The following LPCAT1 variants were observed in gnomAD, a reference collection of about 807,000 sequenced individuals.
LPCAT1 encodes 1-acylglycerol-3-phosphate O-acyltransferase.
In LPCAT1, 23 loss-of-function variants were observed where a neutral mutation model predicts 60.9. The ratio of observed to expected loss-of-function variants is 0.38; its 90% CI spans 0.27 to 0.53. The LOEUF (loss-of-function observed/expected upper bound fraction) is 0.53. Among genes scored for constraint, LPCAT1 ranks in the 20% least tolerant of loss-of-function variants. The pLI is 0.82. For missense variants in LPCAT1, 622 were observed against 723.6 expected, an observed-to-expected ratio of 0.86 and a Z score of 1.61; for synonymous variants, 340 against 301.1, an observed-to-expected ratio of 1.13 and a Z score of -1.34.
At chr5:1,484,972 G>C (rs963224784) in intron 5 of LPCAT1, among the ~76,000 whole-genome samples, 9 of 152,190 alleles carry the variant, frequency 5.9e-5, no homozygotes, top group Admixed American at 6.5e-5. Flanking sequence ...ACAGACCCAG[G>C]CTCAAGCCCC....
chr5:1,499,321 G>A (rs1310751576), intron 2 of LPCAT1, among the ~76,000 whole-genome samples: 3 of 152,184 alleles, frequency 2.0e-5, no homozygotes, highest in African/African-American at 7.2e-5. Flanking sequence ...GACATGGGGA[G>A]TAAAGAGAAA....
chr5:1,467,032 C>A, intron 12 of LPCAT1, 142 bp from the exon 13 acceptor site: 1 of 857,896 alleles, frequency 1.2e-6, no homozygotes, highest in Non-Finnish European at 1.6e-6. Context: ...ACGGGGGACT[C>A]GAACTTCCAT....
rs1373949233 is a variant in LPCAT1, at chr5:1,474,630, C to T, written c.955G>A (p.Ala319Thr). The T allele has an allele frequency of 1.2e-6, 2 of 1,613,880 alleles. No individual in the cohort carries two copies. The highest frequency in any genetic ancestry group is 2.7e-5 in the African/African-American group (2 of 74,934). ...GCGGGGAGACGGAGCTGTCCTTCCG[C>T]CAGGGCCAGCTGGCAGTCCTCGAAC... ...YTFEDCQLAL[A>T]EGQLRLPADT... The change falls in exon 10 of 14, where the codon GCG (alanine) becomes ACG (threonine). Residue 319 changes from alanine to threonine, a missense_variant. This residue lies in a region of LPCAT1 where 209 missense variants were observed against 325.5 expected (regional missense o/e 0.64). Transcript: ENST00000283415.
chr5:1,479,166 C>T (rs528576876), intron 8 of LPCAT1, among the ~76,000 whole-genome samples: 15 of 152,276 alleles, frequency 9.9e-5, no homozygotes, highest in South Asian at 6.2e-4. Flanking sequence ...GAGGCCAAGG[C>T]GGGAGGACTG....
At position 1,487,144 on chromosome 5, in the gene LPCAT1, C is replaced by T. The variant is rs2126542232; in HGVS notation, c.667+1247G>A. Among the ~76,000 whole-genome samples, 1 of 152,346 alleles carries T rather than the reference C, an allele frequency of 6.6e-6. No individual in the cohort carries two copies. The highest frequency in any genetic ancestry group is 2.1e-4 in the South Asian group (1 of 4,832). ...GACAGGGCCCAGCAGTGACCCCAGC[C>T]CCACACCTTGTCAAGGAACAAGACC... On this transcript the variant is annotated intron_variant, in intron 5 of 13. Coordinates refer to ENST00000283415, the MANE Select transcript of LPCAT1 (RefSeq NM_024830.5). The surrounding 1 kb of genome is among the most constrained non-coding windows in gnomAD (Gnocchi z 6.1).
rs1195096012 is a variant in LPCAT1, at chr5:1,463,594, G to C, written c.*57C>G. 1.9e-6 allele frequency: 3 copies of C among 1,582,914 alleles called. No individual in the cohort carries two copies. Among genetic ancestry groups the C allele is most frequent in the Non-Finnish European group, 2.6e-6 (3 of 1,159,646 alleles). On this transcript the variant is annotated 3_prime_UTR_variant, in exon 14 of 14. Coordinates refer to ENST00000283415, the MANE Select transcript of LPCAT1 (RefSeq NM_024830.5). The stretch of plus-strand genomic sequence containing the variant: ...GGAGCCCAGAGGTCACTCGCAAAGA[G>C]GCTCATGGCGGTGATGTCCACGCGG...
intron 1 of LPCAT1, among the ~76,000 whole-genome samples, chr5:1,516,244 CT>C (rs957591331): frequency 2.0e-4 from 30 of 152,244 alleles, no homozygotes; most frequent in African/African-American, 7.0e-4. Flanking sequence ...GGCAGACAGC[CT>C]GGCACAGGGA....
At chr5:1,478,509 G>A (rs1735011621) in intron 8 of LPCAT1, among the ~76,000 whole-genome samples, 1 of 152,250 alleles carries the variant, frequency 6.6e-6, no homozygotes, top group Non-Finnish European at 1.5e-5. Context: ...AGGAGCTCAA[G>A]CTCAGTCCCT....
Position 1,494,686 on chromosome 5 carries a change from G to A in LPCAT1, c.493+14C>T. The stretch of plus-strand genomic sequence containing the variant: ...GGCAGGGTCCCTCACTCCCAGCAGG[G>A]GTGTCTCACTCACTTCCCCAGATCG... On this transcript the variant is annotated intron_variant, in intron 3 of 13. Transcript: ENST00000283415. 6.2e-7 allele frequency: 1 copy of A among 1,611,716 alleles called. No homozygotes were observed. The highest frequency in any genetic ancestry group is 8.5e-7 in the Non-Finnish European group (1 of 1,177,842).
intron 1 of LPCAT1, among the ~76,000 whole-genome samples, chr5:1,508,401 G>A (rs1047770324): frequency 2.6e-5 from 4 of 152,168 alleles, no homozygotes; most frequent in Non-Finnish European, 5.9e-5. Context: ...GGTGACGAAG[G>A]TAAAATGAGA....
Position 1,474,032 on chromosome 5 carries a change from ACCTATCTTCTCT to A in LPCAT1, c.1092_1103del (p.Glu365_Gly368del). 6.2e-7 allele frequency: 1 copy of A among 1,614,128 alleles called. No individual in the cohort carries two copies. The highest frequency in any genetic ancestry group is 8.5e-7 in the Non-Finnish European group (1 of 1,180,018). On this transcript the variant is annotated inframe_deletion, in exon 11 of 14. Transcript: ENST00000283415. ...CCAGGGAGGCGGCAAACTCCGCAATACCTATCTTCTCTCCTCCCTTCATCCTGGCTCTTTCTG... is the reference window on the plus strand; with the variant it reads ...CCAGGGAGGCGGCAAACTCCGCAATACCTCCCTTCATCCTGGCTCTTTCTG...
intron 13 of LPCAT1, among the ~76,000 whole-genome samples, chr5:1,464,807 G>C (rs1004841919): frequency 2.8e-5 from 4 of 144,568 alleles, no homozygotes; most frequent in Non-Finnish European, 6.0e-5. Context: ...CACAAAACAA[G>C]CACACACACG....
At position 1,466,798 on chromosome 5, in the gene LPCAT1, G is replaced by C. The variant is rs766984997; in HGVS notation, c.1371C>G (p.Thr457=). 1.4e-5 allele frequency: 23 copies of C among 1,612,954 alleles called. No individual in the cohort carries two copies. The South Asian group carries it at 2.1e-4, about 15-fold the overall frequency. ...TALGVAELTV[T]DLFRAIDQEE... ...CTTGGTCAATGGCTCGGAATAGGTC[G>C]GTCACGGTGAGCTCTGCCACCCCCA... Residue 457 remains threonine (T), a synonymous_variant, in exon 13 of 14, where the codon ACC becomes ACG. Coordinates refer to ENST00000283415, the MANE Select transcript of LPCAT1 (RefSeq NM_024830.5).
In LPCAT1 at chr5:1,479,624, G is replaced by A. The variant is rs375427371; in HGVS notation, c.813C>T (p.Ile271=). Reference sequence around the variant, plus strand: ...GTAACTCTGTATCCATACGAACCTCGATTTCCACTTGGTTGTGAAACTGAC... The same window carrying A: ...GTAACTCTGTATCCATACGAACCTCAATTTCCACTTGGTTGTGAAACTGAC... ...TLCQFHNQVE[I]EFLPVYSPSE... The change falls in exon 8 of 14, where the codon ATC becomes ATT. Residue 271 remains isoleucine (I), a synonymous_variant. Coordinates refer to ENST00000283415, the MANE Select transcript of LPCAT1 (RefSeq NM_024830.5). The A allele has an allele frequency of 2.2e-5, 36 of 1,608,538 alleles. No individual in the cohort carries two copies. In the East Asian group the frequency reaches 4.9e-4, roughly 22 times the overall value.
At chr5:1,520,677 G>A (rs566678786) in intron 1 of LPCAT1, among the ~76,000 whole-genome samples, 13 of 151,906 alleles carry the variant, frequency 8.6e-5, no homozygotes, top group African/African-American at 3.1e-4. Context: ...TGGCTAACAC[G>A]GTGAGACCCC....
At chr5:1,482,264 C>A (rs191498041) in intron 6 of LPCAT1, among the ~76,000 whole-genome samples, 1 of 151,174 alleles carries the variant, frequency 6.6e-6, no homozygotes, top group Admixed American at 6.6e-5. Flanking sequence ...GCCCTGAGCT[C>A]GGCGGCAGGC....
intron 3 of LPCAT1, among the ~76,000 whole-genome samples, chr5:1,492,341 G>A (rs112810178): frequency 0.11 from 17,091 of 151,492 alleles, 1,286 homozygotes; most frequent in Middle Eastern, 0.17. Context: ...CTGGGGAGAC[G>A]TCTCTGAGCT....
rs1299497154 is a variant in LPCAT1 at position 1,496,768 on chromosome 5, C to T, written c.279-1854G>A. On this transcript the variant is annotated intron_variant, in intron 2 of 13. Coordinates refer to ENST00000283415, the MANE Select transcript of LPCAT1 (RefSeq NM_024830.5). The surrounding 1 kb of genome is among the most constrained non-coding windows in gnomAD (Gnocchi z 4.7). ...ACCCAAACTATCCACATGTGAAAAC[C>T]CGGACTGCTGGTGTGGATGACAGCC... 2.0e-5 allele frequency among the ~76,000 whole-genome samples: 3 copies of T among 152,154 alleles called. No homozygotes were observed. Among genetic ancestry groups the T allele is most frequent in the African/African-American group, 4.8e-5 (2 of 41,422 alleles).
In LPCAT1 at chr5:1,487,288, G is replaced by A. The variant is rs561961431; in HGVS notation, c.667+1103C>T. Reference sequence around the variant, plus strand: ...CGGACCCAGTGTGGTGGGGGCACACGGATTCGTGGTCACCGCGTGCCGCCT... The same window carrying A: ...CGGACCCAGTGTGGTGGGGGCACACAGATTCGTGGTCACCGCGTGCCGCCT... On this transcript the variant is annotated intron_variant, in intron 5 of 13. Transcript: ENST00000283415. This position sits in a 1 kb window ranked among gnomAD's most constrained non-coding sequence, Gnocchi z 6.1. Among the ~76,000 whole-genome samples the A allele has an allele frequency of 2.3e-4, 35 of 152,322 alleles. No individual in the cohort carries two copies. The highest frequency in any genetic ancestry group is 1.5e-3 in the South Asian group (7 of 4,816).
Sources: gnomAD v4.1 joint callset for allele counts (sites outside exome capture counted in the v4.1 genomes callset) on GRCh38, gnomAD v4.1.1 for gene constraint, gnomAD v4.1.1 regional missense constraint, Gnocchi (gnomAD v3.1) non-coding constraint, MANE v1.5 for transcripts, NCBI Gene and HGNC (gene_info 2026-07-23, HGNC 2026-07-21) for gene names.